Variants in SALL1 observed in about 807,000 individuals in gnomAD.
SALL1 encodes the protein sal-like protein 1.
SALL1 carries 10 observed loss-of-function variants against 73.1 expected under a neutral mutation model. That is an observed-to-expected ratio of 0.14 (90% CI 0.08 to 0.23). The LOEUF (loss-of-function observed/expected upper bound fraction) is 0.23, where lower values mean the gene tolerates loss of function less well. SALL1 is among the 10% of genes least tolerant of loss of function. The pLI is 1.00. For synonymous variants in SALL1, 688 were observed against 689.8 expected (o/e 1.00, Z 0.04); for missense variants, 1,520 against 1,697.3 (o/e 0.90, Z 1.84).
intron 1 of SALL1, chr16:51,149,450 C>G (rs147047931): frequency 1.1e-4 from 17 of 152,226 alleles, no homozygotes; most frequent in African/African-American, 4.1e-4. Context: ...GCTGAGAAAA[C>G]CCGGAAAAAT....
At chr16:51,144,496 C>G (rs1214543930) in intron 1 of SALL1, among the ~76,000 whole-genome samples, 1 of 152,134 alleles carries the variant, frequency 6.6e-6, no homozygotes, top group Middle Eastern at 3.2e-3. Flanking sequence ...AGATTCAGAA[C>G]TAAATAACTA....
rs766899404 is a variant in SALL1 at position 51,139,370 on chromosome 16, G to A, written c.2852C>T (p.Ala951Val). Residue 951 changes from alanine (A) to valine (V), a missense_variant, in exon 2 of 3, where the codon GCG becomes GTG. This residue lies in a region of SALL1 where 266 missense variants were observed against 275.1 expected (regional missense o/e 0.97). Coordinates refer to ENST00000251020, the MANE Select transcript of SALL1 (RefSeq NM_002968.3). The stretch of plus-strand genomic sequence containing the variant: ...ACCATTGGCAAACTCGCTTGGGACC[G>A]CTCTCTGTGGTTTCTCCTCAATGCT... ...SPSIEEKPQR[A>V]VPSEFANGLS... is the part of the protein sequence containing the mutation. 1.5e-5 allele frequency: 25 copies of A among 1,614,002 alleles called. No individual in the cohort carries two copies. Among genetic ancestry groups the A allele is most frequent in the East Asian group, 4.5e-5 (2 of 44,882 alleles).
At chr16:51,151,314 AGCG>A (rs954474530), upstream of SALL1, 1,718 of 1,194,398 alleles carry the variant, frequency 1.4e-3, no homozygotes, top group Admixed American at 2.6e-3. Flanking sequence ...ACGGAAATCG[AGCG>A]GCGGCGGCGG....
At chr16:51,149,159 A>G (rs956368180) in intron 1 of SALL1, 193 of 152,764 alleles carry the variant, frequency 1.3e-3, no homozygotes, top group African/African-American at 4.5e-3. Flanking sequence ...AACTCCTTTT[A>G]TATTATTGCT....
At chr16:51,150,319 A>T in intron 1 of SALL1, 9 of 835,260 alleles carry the variant, frequency 1.1e-5, no homozygotes, top group Non-Finnish European at 1.3e-5. Context: ...CTATTCTATG[A>T]CTTCTTCCCT....
Position 51,141,851 on chromosome 16 carries a change from G to A in SALL1, c.371C>T (p.Ser124Phe). Residue 124 changes from serine (S) to phenylalanine (F), a missense_variant, in exon 2 of 3, where the codon TCC becomes TTC. Physicochemically the swap from Ser to Phe is radical, Grantham distance 155. Transcript: ENST00000251020. The surrounding 1 kb of genome is among the most constrained non-coding windows in gnomAD (Gnocchi z 5.4). ...AGCAACCGGGGCCTCCACCTCCATG[G>A]ACTCTTCCCTGTCAAGTCCGTTGTG... ...SEHNGLDREE[S>F]MEVEAPVANK... is the part of the protein sequence containing the mutation. The A allele has an allele frequency of 6.2e-7, 1 of 1,613,798 alleles. No homozygotes were observed. Among genetic ancestry groups the A allele is most frequent in the South Asian group, 1.1e-5 (1 of 91,076 alleles).
chr16:51,151,869 G>T (rs1304006532), upstream of SALL1, among the ~76,000 whole-genome samples: 1 of 150,736 alleles, frequency 6.6e-6, no homozygotes, highest in Non-Finnish European at 1.5e-5. Context: ...GGCGCGCTGC[G>T]AACTTCCCAA....
rs1962354743 is a variant in SALL1, at chr16:51,138,734, G to A, written c.3488C>T (p.Ala1163Val). Residue 1163 changes from alanine (A) to valine (V), a missense_variant, in exon 2 of 3, where the codon GCT becomes GTT. By Grantham distance (64) the Ala-to-Val change is moderately conservative. Around this residue, in one of 7 missense-constraint regions of SALL1, gnomAD observed 318 missense variants for 357.1 expected, o/e 0.89. Coordinates refer to ENST00000251020, the MANE Select transcript of SALL1 (RefSeq NM_002968.3). ...GAAAGCTCTTCCACAAATAGTGCAAGCAAAGGGTTTCTCTCCAGTGTGAGT... is the reference window on the plus strand; with the variant it reads ...GAAAGCTCTTCCACAAATAGTGCAAACAAAGGGTTTCTCTCCAGTGTGAGT... ...ERTHTGEKPF[A>V]CTICGRAFTT... The A allele has an allele frequency of 3.1e-6, 5 of 1,614,198 alleles. No individual in the cohort carries two copies. Among genetic ancestry groups the A allele is most frequent in the East Asian group, 2.2e-5 (1 of 44,884 alleles).
At position 51,136,239 on chromosome 16, in the gene SALL1, TTTC is replaced by T. The variant is rs1389923267; in HGVS notation, c.*870_*872del. 2 of 152,666 alleles carry T rather than the reference TTTC, an allele frequency of 1.3e-5. No homozygotes were observed. Among genetic ancestry groups the T allele is most frequent in the African/African-American group, 4.8e-5 (2 of 41,460 alleles). The allele number at this position is 152,666 out of a possible 1,614,324, so 9.5% of individuals were successfully genotyped here. A position where few individuals can be genotyped will look rare whatever the true frequency, so the allele number is the denominator to read the frequency against. On this transcript the variant is annotated 3_prime_UTR_variant, in exon 3 of 3. Coordinates refer to ENST00000251020, the MANE Select transcript of SALL1 (RefSeq NM_002968.3). ...TATGTACATTTGAATGAAAGTGATA[TTTC>T]TTATTGTATATACAAGAGCATCTAC...
At chr16:51,143,197 T>C (rs1443131657) in intron 1 of SALL1, 3 of 228,166 alleles carry the variant, frequency 1.3e-5, no homozygotes, top group Middle Eastern at 5.7e-4. Context: ...CAGATTGTCC[T>C]GAACATTTTA....
At chr16:51,145,502 T>C (rs889869524) in intron 1 of SALL1, among the ~76,000 whole-genome samples, 2 of 152,132 alleles carry the variant, frequency 1.3e-5, no homozygotes, top group Admixed American at 1.3e-4. Flanking sequence ...AAACAGATAT[T>C]TGGAATTTTC....
chr16:51,150,305 A>G, intron 1 of SALL1: 1 of 777,118 alleles, frequency 1.3e-6, no homozygotes, highest in Non-Finnish European at 1.6e-6. Flanking sequence ...GCAAACCTGG[A>G]AAACTATTCT....
rs1352154808 is a variant in SALL1 at position 51,139,866 on chromosome 16, G to T, written c.2356C>A (p.Arg786=). Residue 786 remains arginine (R), a synonymous_variant, in exon 2 of 3, where the codon CGA becomes AGA. Transcript: ENST00000251020. ...TNAVVLQQHI[R]MHMGGQIPNT... Reference sequence around the variant, plus strand: ...GGGATCTGGCCTCCCATATGCATTCGGATGTGCTGCTGCAGGACCACAGCG... The same window carrying T: ...GGGATCTGGCCTCCCATATGCATTCTGATGTGCTGCTGCAGGACCACAGCG... The T allele has an allele frequency of 7.4e-6, 12 of 1,614,082 alleles. No homozygotes were observed. The African/African-American group carries it at 1.1e-4, about 14-fold the overall frequency.
chr16:51,138,614 G>A, intron 2 of SALL1, 74 bp downstream of exon 2: 2 of 1,533,238 alleles, frequency 1.3e-6, no homozygotes, highest in Non-Finnish European at 1.8e-6. Context: ...GACTCTGGGG[G>A]CATGCATTAT....
chr16:51,151,658 G>A (rs972606361), upstream of SALL1, among the ~76,000 whole-genome samples: 2 of 151,026 alleles, frequency 1.3e-5, no homozygotes, highest in East Asian at 2.0e-4. Context: ...GCCGCCGGGG[G>A]CCGGCCTCCT....
rs139396928 is a variant in SALL1 at position 51,139,497 on chromosome 16, T to C, written c.2725A>G (p.Met909Val). The change falls in exon 2 of 3, where the codon ATG becomes GTG. Residue 909 changes from methionine to valine, a missense_variant. Transcript: ENST00000251020. Reference sequence around the variant, plus strand: ...GGGCTGCCAGCACTTTGGCTTTCCATGTCACCACCCACTGAGGATGAATCA... The same window carrying C: ...GGGCTGCCAGCACTTTGGCTTTCCACGTCACCACCCACTGAGGATGAATCA... ...TNDSSSVGGD[M>V]ESQSAGSPAI... 7.4e-6 allele frequency: 12 copies of C among 1,614,106 alleles called. No individual in the cohort carries two copies. Among genetic ancestry groups the C allele is most frequent in the Admixed American group, 3.3e-5 (2 of 60,006 alleles).
chr16:51,148,978 A>G (rs1962556626), intron 1 of SALL1, among the ~76,000 whole-genome samples: 1 of 152,180 alleles, frequency 6.6e-6, no homozygotes, highest in Non-Finnish European at 1.5e-5. Context: ...CTTTAGGACA[A>G]TGTACCAGCT....
chr16:51,151,665 T>G (rs1205265906), upstream of SALL1, among the ~76,000 whole-genome samples: 4 of 149,998 alleles, frequency 2.7e-5, no homozygotes, highest in African/African-American at 9.8e-5. Context: ...GGGGCCGGCC[T>G]CCTCTCCACT....
Position 51,141,259 on chromosome 16 carries a change from T to C in SALL1, c.963A>G (p.Leu321=). Residue 321 remains leucine (L), a synonymous_variant, in exon 2 of 3, where the codon CTA becomes CTG. Coordinates refer to ENST00000251020, the MANE Select transcript of SALL1 (RefSeq NM_002968.3). The surrounding 1 kb of genome is among the most constrained non-coding windows in gnomAD (Gnocchi z 5.4). ...TGGTGTTGCCAGAACTGCTCTGAGG[T>C]AGCTGGATTGGGGGTAGCTGTTTCA... is the stretch of plus-strand genomic sequence containing the variant. ...SGVKQLPPIQ[L]PQSSSGNTII... is the part of the protein sequence containing the mutation. 2 of 1,614,118 alleles carry C rather than the reference T, an allele frequency of 1.2e-6. No homozygotes were observed. Among genetic ancestry groups the C allele is most frequent in the Non-Finnish European group, 1.7e-6 (2 of 1,180,030 alleles).
Sources: gnomAD v4.1 joint callset for allele counts (sites outside exome capture counted in the v4.1 genomes callset) on GRCh38, gnomAD v4.1.1 for gene constraint, gnomAD v4.1.1 regional missense constraint, Gnocchi (gnomAD v3.1) non-coding constraint, MANE v1.5 for transcripts, NCBI Gene and HGNC (gene_info 2026-07-23, HGNC 2026-07-21) for gene names.